RSF1: variants seen among roughly 807,000 people sequenced by gnomAD.
The protein encoded by RSF1 is HBV pX-associated protein 8.
RSF1 carries 13 observed loss-of-function variants against 145.2 expected under a neutral mutation model. The ratio of observed to expected loss-of-function variants is 0.09; its 90% confidence interval spans 0.06 to 0.14. The LOEUF is 0.14. Among genes scored for constraint, RSF1 ranks in the 10% least tolerant of loss-of-function variants. RSF1 has a pLI of 1.00. For missense variants in RSF1, 1,517 were observed against 1,718.2 expected, an observed-to-expected ratio of 0.88 and a Z score of 2.07; for synonymous variants, 577 against 592.6, an observed-to-expected ratio of 0.97 and a Z score of 0.38.
chr11:77,849,481 C>CTT, the RSF1 span, among the ~76,000 whole-genome samples: 1 of 152,218 alleles, frequency 6.6e-6, no homozygotes, highest in Non-Finnish European at 1.5e-5. Flanking sequence ...ATCTCGGCCT[C>CTT]TCAAAGTGCT....
chr11:77,725,417 C>A, intron 5 of RSF1, 128 bp downstream of exon 5: 1 of 733,166 alleles, frequency 1.4e-6, no homozygotes, highest in Non-Finnish European at 1.9e-6. Flanking sequence ...GAAAAATCAA[C>A]CTCCTTTTAT....
chr11:77,691,274 A>G lies in RSF1; in HGVS notation c.2821-36T>C, dbSNP rs140314477. The G allele has an allele frequency of 4.4e-5, 70 of 1,574,036 alleles. No homozygotes were observed. In the East Asian group the frequency reaches 1.5e-3, roughly 34 times the overall value. The stretch of plus-strand genomic sequence containing the variant: ...AAAATAGATAAAAGTCATTTTAAAC[A>G]ACTTTTAGCAATCATTTATTACATA... On this transcript the variant is annotated intron_variant, in intron 8 of 15. Transcript: ENST00000308488.
At chr11:77,677,172 T>C (rs1959731154) in intron 12 of RSF1, 173 bp from the exon 13 acceptor site, 2 of 605,132 alleles carry the variant, frequency 3.3e-6, no homozygotes, top group Admixed American at 3.2e-5. Flanking sequence ...CTCAGAGTTT[T>C]AGCATTCGTT....
In RSF1 at chr11:77,701,156, T is replaced by A. The variant is rs1291972360; in HGVS notation, c.2073A>T (p.Ile691=). ...AACCCTTTGTCTCAGAAGGCTCCTC[T>A]ATGCCAGAGGTCTGGGCATTGTCCA... ...DNLDNAQTSG[I]EEPSETKGSM... Residue 691 remains isoleucine, a synonymous_variant, in exon 6 of 16, where the codon ATA becomes ATT. Coordinates refer to ENST00000308488, the MANE Select transcript of RSF1 (RefSeq NM_016578.4). 2.5e-6 allele frequency: 4 copies of A among 1,614,166 alleles called. No homozygotes were observed. Among genetic ancestry groups the A allele is most frequent in the Non-Finnish European group, 3.4e-6 (4 of 1,180,030 alleles).
At chr11:77,756,996 T>A (rs922178026) in intron 2 of RSF1, among the ~76,000 whole-genome samples, 1 of 152,066 alleles carries the variant, frequency 6.6e-6, no homozygotes, top group African/African-American at 2.4e-5. Flanking sequence ...TGAAGTACTA[T>A]GAAAACAGAG....
At chr11:77,710,030 T>C (rs78606182) in intron 5 of RSF1, among the ~76,000 whole-genome samples, 2,575 of 152,238 alleles carry the variant, frequency 0.017, 43 homozygotes, top group Non-Finnish European at 0.029. Flanking sequence ...AACAAATGCA[T>C]AGCTTAATAC....
chr11:77,740,414 A>C (rs1961480490), intron 4 of RSF1, among the ~76,000 whole-genome samples: 1 of 152,056 alleles, frequency 6.6e-6, no homozygotes, highest in Admixed American at 6.6e-5. Flanking sequence ...AGAACCAAAC[A>C]ATGCTTTTCT....
the RSF1 span, among the ~76,000 whole-genome samples, chr11:77,847,934 G>A: frequency 1.3e-5 from 2 of 152,096 alleles, no homozygotes; most frequent in African/African-American, 4.8e-5. Flanking sequence ...GAGATGAGAT[G>A]TCCCAGTTAA....
In RSF1 at chr11:77,701,523, T is replaced by C; in HGVS notation, c.1706A>G (p.Lys569Arg). ...TESCTMKGEE[K>R]SPKTKKDKRP... ...CTTATCCTTCTTAGTTTTGGGAGAC[T>C]TCTCTTCACCTTTCATGGTACACGA... Residue 569 changes from lysine (K) to arginine (R), a missense_variant, in exon 6 of 16, where the codon AAG becomes AGG. By Grantham distance (26) the Lys-to-Arg change is conservative. This residue lies in a region of RSF1 where 579 missense variants were observed against 553.5 expected (regional missense o/e 1.05). Coordinates refer to ENST00000308488, the MANE Select transcript of RSF1 (RefSeq NM_016578.4). 1 of 1,614,002 alleles carries C rather than the reference T, an allele frequency of 6.2e-7. No individual in the cohort carries two copies. The highest frequency in any genetic ancestry group is 1.3e-5 in the African/African-American group (1 of 74,992).
intron 4 of RSF1, among the ~76,000 whole-genome samples, chr11:77,728,890 T>C (rs775429775): frequency 3.3e-5 from 5 of 151,912 alleles, no homozygotes; most frequent in African/African-American, 4.8e-5. Flanking sequence ...TGCTCAATTA[T>C]ATATATTTTA....
At chr11:77,790,744 T>C (rs953955073) in intron 1 of RSF1, among the ~76,000 whole-genome samples, 1 of 152,156 alleles carries the variant, frequency 6.6e-6, no homozygotes, top group Non-Finnish European at 1.5e-5. Context: ...CGAAATCCAG[T>C]GGGACAGTCA....
At chr11:77,668,039 C>T (rs963219625) in intron 15 of RSF1, among the ~76,000 whole-genome samples, 2 of 151,798 alleles carry the variant, frequency 1.3e-5, no homozygotes, top group African/African-American at 4.8e-5. Context: ...ACTCTGTCTC[C>T]CAGGCTGGAG....
chr11:77,819,796 T>C (rs771185711), intron 1 of RSF1, among the ~76,000 whole-genome samples: 7 of 151,944 alleles, frequency 4.6e-5, no homozygotes, highest in Non-Finnish European at 7.4e-5. Context: ...AGGAGAACTA[T>C]GGAGGAGGAA....
At chr11:77,704,444 C>G (rs1215456449) in intron 5 of RSF1, among the ~76,000 whole-genome samples, 1 of 152,182 alleles carries the variant, frequency 6.6e-6, no homozygotes, top group African/African-American at 2.4e-5. Flanking sequence ...TGACCCTGAT[C>G]CAACGTAAAA....
the RSF1 span, among the ~76,000 whole-genome samples, chr11:77,835,253 T>C: frequency 6.6e-6 from 1 of 152,186 alleles, no homozygotes; most frequent in African/African-American, 2.4e-5. Flanking sequence ...CGTCCCACTT[T>C]ATCTCTTTAT....
At chr11:77,781,404 G>A (rs1948402903) in intron 1 of RSF1, among the ~76,000 whole-genome samples, 33 of 152,116 alleles carry the variant, frequency 2.2e-4, no homozygotes, top group Non-Finnish European at 2.9e-5. Context: ...TGGCCTCCGT[G>A]TTTTGACTAT....
At chr11:77,786,294 G>A (rs1214898337) in intron 1 of RSF1, among the ~76,000 whole-genome samples, 1 of 152,100 alleles carries the variant, frequency 6.6e-6, no homozygotes, top group Non-Finnish European at 1.5e-5. Flanking sequence ...AGTATCCTAT[G>A]TTGTGCTTAG....
intron 1 of RSF1, among the ~76,000 whole-genome samples, chr11:77,777,779 G>A (rs2154972): frequency 0.22 from 32,911 of 151,420 alleles, 3,672 homozygotes; most frequent in Middle Eastern, 0.25. Flanking sequence ...CAACCCAGGA[G>A]TTCAAGACCA....
At chr11:77,683,893 T>C (rs974238903) in intron 10 of RSF1, 74 bp from the exon 11 acceptor site, 33 of 1,116,788 alleles carry the variant, frequency 3.0e-5, no homozygotes, top group South Asian at 4.3e-5. Flanking sequence ...AACAGTTTTG[T>C]AATCTCCATT....
Sources: gnomAD v4.1 joint callset for allele counts (sites outside exome capture counted in the v4.1 genomes callset) on GRCh38, gnomAD v4.1.1 for gene constraint, gnomAD v4.1.1 regional missense constraint, MANE v1.5 for transcripts, NCBI Gene and HGNC (gene_info 2026-07-23, HGNC 2026-07-21) for gene names.